The following ZNF709 variants were observed in gnomAD, a reference collection of about 807,000 sequenced individuals.
ZNF709 encodes the protein zinc finger protein 709.
In ZNF709, 15 loss-of-function variants were observed where a neutral mutation model predicts 10.6. The ratio of observed to expected loss-of-function variants is 1.41; its 90% CI spans 0.95 to 2.18. The LOEUF (loss-of-function observed/expected upper bound fraction) is 2.18. ZNF709 is among the 30% of genes most tolerant of loss of function. The pLI, the probability that ZNF709 is intolerant of heterozygous loss-of-function variation, is 0.00. For synonymous variants in ZNF709, 194 were observed against 238.8 expected (o/e 0.81, Z 1.73); for missense variants, 589 against 774.0 (o/e 0.76, Z 2.84).
intron 1 of ZNF709, among the ~76,000 whole-genome samples, chr19:12,475,014 T>C (rs965189698): frequency 6.6e-6 from 1 of 151,964 alleles, no homozygotes; most frequent in East Asian, 1.9e-4. Flanking sequence ...TCCCAGCACT[T>C]TGGGAGGCTG....
chr19:12,472,772 A>G (rs1970644441), intron 1 of ZNF709, among the ~76,000 whole-genome samples: 1 of 151,552 alleles, frequency 6.6e-6, no homozygotes, highest in African/African-American at 2.4e-5. Flanking sequence ...AATCCTGGCT[A>G]CTCAGGTAGC....
chr19:12,466,817 A>G lies in ZNF709; in HGVS notation c.37T>C (p.Phe13Leu), dbSNP rs780318375. The change falls in exon 2 of 4, where the codon TTC becomes CTC. Residue 13 changes from phenylalanine (F) to leucine (L), a missense_variant. This residue lies in a region of ZNF709 where 418 missense variants were observed against 496.3 expected (regional missense o/e 0.84). Coordinates refer to ENST00000397732, the MANE Select transcript of ZNF709 (RefSeq NM_152601.4). ...SVVFEDVAVN[F>L]TQEEWALLGP... ...AGCAAAGCCCACTCCTCCTGGGTGA[A>G]GTTCACAGCCACATCCTCAAAGACC... 6.2e-7 allele frequency: 1 copy of G among 1,613,990 alleles called. No individual in the cohort carries two copies. Among genetic ancestry groups the G allele is most frequent in the Non-Finnish European group, 8.5e-7 (1 of 1,179,932 alleles).
At chr19:12,480,950 T>C (rs1209260712) in intron 1 of ZNF709, among the ~76,000 whole-genome samples, 5 of 131,414 alleles carry the variant, frequency 3.8e-5, no homozygotes, top group Admixed American at 2.3e-4. Flanking sequence ...ACTTGGCTAA[T>C]TTTTTTTTTT....
rs1280996875 is a variant in ZNF709 at position 12,465,058 on chromosome 19, A to G, written c.864T>C (p.Ala288=). 3 of 1,611,998 alleles carry G rather than the reference A, an allele frequency of 1.9e-6. No individual in the cohort carries two copies. In the African/African-American group the frequency reaches 4.0e-5, roughly 22 times the overall value. ...KPYQCKQCGK[A]LSCPTSFRSH... ...TTCGAAAGGATGTGGGACAACTAAG[A>G]GCTTTACCACATTGCTTACACTGAT... Residue 288 remains alanine, a synonymous_variant, in exon 4 of 4, where the codon GCT becomes GCC. Coordinates refer to ENST00000397732, the MANE Select transcript of ZNF709 (RefSeq NM_152601.4).
chr19:12,474,710 T>C (rs1314014077), intron 1 of ZNF709, among the ~76,000 whole-genome samples: 2 of 152,198 alleles, frequency 1.3e-5, no homozygotes, highest in Non-Finnish European at 2.9e-5. Context: ...TATAAATATA[T>C]GTCTTAGCAG....
At chr19:12,467,352 A>G (rs949054848) in intron 1 of ZNF709, among the ~76,000 whole-genome samples, 6 of 152,204 alleles carry the variant, frequency 3.9e-5, no homozygotes, top group African/African-American at 1.2e-4. Context: ...TGTGTTGGCC[A>G]GGCTGGTCTC....
At chr19:12,479,907 T>C (rs888659208) in intron 1 of ZNF709, among the ~76,000 whole-genome samples, 7 of 151,964 alleles carry the variant, frequency 4.6e-5, no homozygotes, top group Admixed American at 4.6e-4. Context: ...TGGTGGCTCA[T>C]ACTAGGGAAT....
chr19:12,463,438 G>T lies in ZNF709; in HGVS notation c.*558C>A, dbSNP rs1568244695. ...AATTCTTTACATTTATAGGGCATAT[G>T]AAAATTCTTTACACTTCATATGCCT... On this transcript the variant is annotated 3_prime_UTR_variant, in exon 4 of 4. Coordinates refer to ENST00000397732, the MANE Select transcript of ZNF709 (RefSeq NM_152601.4). 1 of 152,140 alleles carries T rather than the reference G, an allele frequency of 6.6e-6. No homozygotes were observed. Among genetic ancestry groups the T allele is most frequent in the Non-Finnish European group, 1.5e-5 (1 of 68,030 alleles). 9.4% of individuals were successfully genotyped at this position (152,140 alleles called of 1,614,324 possible). A position where few individuals can be genotyped will look rare whatever the true frequency, so the allele number is the denominator to read the frequency against.
At chr19:12,472,754 G>A (rs1970644317) in intron 1 of ZNF709, among the ~76,000 whole-genome samples, 1 of 151,810 alleles carries the variant, frequency 6.6e-6, no homozygotes, top group Non-Finnish European at 1.5e-5. Context: ...GTGGTGGCAC[G>A]GGCCTGTAAT....
At chr19:12,484,629 C>CA (rs780660336) in intron 1 of ZNF709, 26 bp downstream of exon 1, 1 of 1,613,926 alleles carries the variant, frequency 6.2e-7, no homozygotes, top group East Asian at 2.2e-5. Flanking sequence ...TCTCCCATCT[C>CA]AAGACCCCCA....
intron 1 of ZNF709, among the ~76,000 whole-genome samples, chr19:12,467,218 G>A (rs1221517126): frequency 2.0e-5 from 3 of 152,112 alleles, no homozygotes; most frequent in Admixed American, 6.5e-5. Flanking sequence ...CTGCCATCTC[G>A]GCACACTGCA....
chr19:12,467,953 C>A (rs1291839676), intron 1 of ZNF709, among the ~76,000 whole-genome samples: 1 of 150,866 alleles, frequency 6.6e-6, no homozygotes, highest in Non-Finnish European at 1.5e-5. Context: ...CCCCGCACGG[C>A]CAGCCGCCCC....
chr19:12,470,605 G>T (rs1970626863), intron 1 of ZNF709, among the ~76,000 whole-genome samples: 2 of 152,188 alleles, frequency 1.3e-5, no homozygotes, highest in African/African-American at 4.8e-5. Context: ...GAATTTGGGA[G>T]GGACCCCGCC....
chr19:12,475,624 T>C (rs536635922), intron 1 of ZNF709, among the ~76,000 whole-genome samples: 47 of 152,302 alleles, frequency 3.1e-4, no homozygotes, highest in South Asian at 8.3e-4. Context: ...AGAAAATAGA[T>C]GCTTTCCTGG....
At chr19:12,474,822 A>G (rs1190214373) in intron 1 of ZNF709, among the ~76,000 whole-genome samples, 3 of 152,252 alleles carry the variant, frequency 2.0e-5, no homozygotes, top group Non-Finnish European at 4.4e-5. Context: ...TAAAGGCAAA[A>G]GTATAGTCAA....
rs1449512591 is a variant in ZNF709, at chr19:12,464,343, T to C, written c.1579A>G (p.Thr527Ala). The change falls in exon 4 of 4, where the codon ACT (threonine) becomes GCT (alanine). Residue 527 changes from threonine (T) to alanine (A), a missense_variant. Coordinates refer to ENST00000397732, the MANE Select transcript of ZNF709 (RefSeq NM_152601.4). ...TTACATTCATAGGGTTTCTCCCCAG[T>C]GTGAGTCCTTTCATGCATTCGAAAG... ...SSFRMHERTH[T>A]GEKPYECKQC... 1 of 1,611,588 alleles carries C rather than the reference T, an allele frequency of 6.2e-7. No homozygotes were observed. The highest frequency in any genetic ancestry group is 2.2e-5 in the East Asian group (1 of 44,850).
chr19:12,464,138 T>C lies in ZNF709; in HGVS notation c.1784A>G (p.Lys595Arg). The change falls in exon 4 of 4, where the codon AAA becomes AGA. Residue 595 changes from lysine (K) to arginine (R), a missense_variant. Physicochemically the swap from Lys to Arg is conservative, Grantham distance 26. Transcript: ENST00000397732. ...AAAGGAACGTGAGCAACTGAAGGCT[T>C]TGTCACATTGTTTACATTCATAGGG... ...VKPYECKQCD[K>R]AFSCSRSFRI... The C allele has an allele frequency of 6.4e-7, 1 of 1,568,150 alleles. No individual in the cohort carries two copies. Among genetic ancestry groups the C allele is most frequent in the Non-Finnish European group, 8.6e-7 (1 of 1,162,190 alleles).
intron 1 of ZNF709, among the ~76,000 whole-genome samples, chr19:12,478,882 T>G (rs185470063): frequency 1.3e-5 from 2 of 152,208 alleles, no homozygotes; most frequent in Non-Finnish European, 2.9e-5. Context: ...GTGACGCTTA[T>G]GATGTGCACA....
chr19:12,472,246 G>C (rs1970639644), intron 1 of ZNF709, among the ~76,000 whole-genome samples: 1 of 152,180 alleles, frequency 6.6e-6, no homozygotes, highest in Non-Finnish European at 1.5e-5. Flanking sequence ...CACAGGCCAG[G>C]CACGGTGGCT....
Sources: gnomAD v4.1 joint callset for allele counts (sites outside exome capture counted in the v4.1 genomes callset) on GRCh38, gnomAD v4.1.1 for gene constraint, gnomAD v4.1.1 regional missense constraint, MANE v1.5 for transcripts, NCBI Gene and HGNC (gene_info 2026-07-23, HGNC 2026-07-21) for gene names.